The following GASK1B variants were observed in gnomAD, a reference collection of about 807,000 sequenced individuals.
GASK1B encodes the protein Golgi-associated kinase 1B.
A neutral mutation model predicts 42.8 loss-of-function variants in GASK1B; 34 were observed. That is an observed-to-expected ratio of 0.79 (90% CI 0.60 to 1.06). GASK1B has a LOEUF of 1.06. GASK1B is among the 50% of genes least tolerant of loss of function. The pLI is 0.00. For missense variants in GASK1B, 686 were observed against 661.0 expected, an observed-to-expected ratio of 1.04 and a Z score of -0.42; for synonymous variants, 262 against 259.1, an observed-to-expected ratio of 1.01 and a Z score of -0.11.
rs72973869 is a variant in GASK1B, at chr4:158,148,976, T to A, written c.1125+6635A>T. ...ATCTCTCTTCCTCTATGTTGAGGAA[T>A]CATATCTCTTAGAGGCAGCAAGCAT... On this transcript the variant is annotated intron_variant, in intron 3 of 4. Coordinates refer to ENST00000585682, the MANE Select transcript of GASK1B (RefSeq NM_001128424.2). Among the ~76,000 whole-genome samples, 206 of 152,324 alleles carry A rather than the reference T, an allele frequency of 1.4e-3. 2 individuals are homozygous for A. Among genetic ancestry groups the A allele is most frequent in the African/African-American group, 4.8e-3 (200 of 41,572 alleles).
chr4:158,142,489 A>AT (rs900282722), intron 3 of GASK1B, among the ~76,000 whole-genome samples: 4 of 152,032 alleles, frequency 2.6e-5, no homozygotes, highest in South Asian at 2.1e-4. Context: ...AAGCAATGCT[A>AT]TTTTTTTTCT....
intron 2 of GASK1B, among the ~76,000 whole-genome samples, chr4:158,166,724 GA>G (rs1359215380): frequency 2.0e-5 from 3 of 151,710 alleles, no homozygotes; most frequent in Admixed American, 1.3e-4. Context: ...TCTCCTTGAG[GA>G]AAAAAAGGAG....
In GASK1B at chr4:158,145,100, C is replaced by T. The variant is rs1560782720; in HGVS notation, c.1125+10511G>A. On this transcript the variant is annotated intron_variant, in intron 3 of 4. Coordinates refer to ENST00000585682, the MANE Select transcript of GASK1B (RefSeq NM_001128424.2). ...AGTTGGAATCTTTCTCTGTTATGCA[C>T]ATAGAATGTTCCTGCAGAAACAAAG... Among the ~76,000 whole-genome samples, 2 of 152,134 alleles carry T rather than the reference C, an allele frequency of 1.3e-5. 1 individual carries two copies. Among genetic ancestry groups the T allele is most frequent in the South Asian group, 4.1e-4 (2 of 4,824 alleles).
intron 2 of GASK1B, among the ~76,000 whole-genome samples, chr4:158,159,283 G>A (rs934008299): frequency 6.6e-6 from 1 of 152,144 alleles, no homozygotes; most frequent in Non-Finnish European, 1.5e-5. Context: ...ACAGATGGCT[G>A]TGGTTCCTTT....
rs143892979 is a variant in GASK1B, at chr4:158,127,540, T to C, written c.1427A>G (p.Asp476Gly). ...RQKLLQSLFL[D>G]KVYWESQGGR... Reference sequence around the variant, plus strand: ...TCCTTGACTTTCCCAATACACTTTATCAAGAAACAGAGACTGAAGAAGTTT... The same window carrying C: ...TCCTTGACTTTCCCAATACACTTTACCAAGAAACAGAGACTGAAGAAGTTT... Residue 476 changes from aspartate (D) to glycine (G), a missense_variant, in exon 5 of 5, where the codon GAT becomes GGT. Coordinates refer to ENST00000585682, the MANE Select transcript of GASK1B (RefSeq NM_001128424.2). The C allele has an allele frequency of 1.5e-3, 2,471 of 1,613,712 alleles. 1 individual carries two copies. Among genetic ancestry groups the C allele is most frequent in the Admixed American group, 2.5e-3 (148 of 59,942 alleles).
intron 3 of GASK1B, among the ~76,000 whole-genome samples, chr4:158,146,700 A>G (rs1731343113): frequency 1.3e-5 from 2 of 152,190 alleles, no homozygotes; most frequent in African/African-American, 2.4e-5. Context: ...AATACAATAC[A>G]GTGACACAAT....
At chr4:158,138,484 T>G (rs2110947134) in intron 3 of GASK1B, among the ~76,000 whole-genome samples, 1 of 152,286 alleles carries the variant, frequency 6.6e-6, no homozygotes, top group Non-Finnish European at 1.5e-5. Flanking sequence ...TTCAGTGAAG[T>G]AAAGCACCAC....
intron 3 of GASK1B, among the ~76,000 whole-genome samples, chr4:158,147,765 T>G (rs1000922713): frequency 2.0e-5 from 3 of 152,010 alleles, no homozygotes; most frequent in African/African-American, 7.2e-5. Flanking sequence ...AACAACAAAG[T>G]AAGAAAAATT....
At chr4:158,137,218 G>A (rs1379443041) in intron 3 of GASK1B, among the ~76,000 whole-genome samples, 1 of 152,082 alleles carries the variant, frequency 6.6e-6, no homozygotes, top group Non-Finnish European at 1.5e-5. Flanking sequence ...ATAATGCCAT[G>A]TATGTAATAG....
At chr4:158,150,783 A>C (rs1021822016) in intron 3 of GASK1B, among the ~76,000 whole-genome samples, 1 of 152,062 alleles carries the variant, frequency 6.6e-6, no homozygotes, top group African/African-American at 2.4e-5. Context: ...ACTCTTGAAC[A>C]CTCTTTAAGG....
intron 2 of GASK1B, 29 bp from the exon 3 acceptor site, chr4:158,155,854 T>C: frequency 1.3e-6 from 2 of 1,595,014 alleles, no homozygotes; most frequent in South Asian, 2.2e-5. Context: ...AAACACACTT[T>C]CAGCACACTA....
intron 3 of GASK1B, among the ~76,000 whole-genome samples, chr4:158,152,277 C>T (rs1731586845): frequency 6.6e-6 from 1 of 152,098 alleles, no homozygotes; most frequent in Non-Finnish European, 1.5e-5. Flanking sequence ...GTCAATACTC[C>T]TTAATAAACT....
chr4:158,168,912 T>C (rs1330691184), intron 2 of GASK1B: 1 of 152,206 alleles, frequency 6.6e-6, no homozygotes, highest in African/African-American at 2.4e-5. Context: ...GTTGTCCCAA[T>C]GCCCACCAGC....
Position 158,130,795 on chromosome 4 carries a change from C to G in GASK1B, c.1343G>C (p.Gly448Ala), listed in dbSNP as rs769889966. ...EDNLNFKLLEGIKEFPASAVS... is the reference protein window; with the variant it reads ...EDNLNFKLLEAIKEFPASAVS... ...TTACTATAAAACTTACTCTTTGATG[C>G]CTTCTAACAATTTGAAGTTTAAGTT... is the stretch of plus-strand genomic sequence containing the variant. The change falls in exon 4 of 5, where the codon GGC becomes GCC. Residue 448 changes from glycine to alanine, a missense_variant. By Grantham distance (60) the Gly-to-Ala change is moderately conservative (BLOSUM62 0). Coordinates refer to ENST00000585682, the MANE Select transcript of GASK1B (RefSeq NM_001128424.2). 1.9e-6 allele frequency: 3 copies of G among 1,611,470 alleles called. No homozygotes were observed. The highest frequency in any genetic ancestry group is 2.5e-6 in the Non-Finnish European group (3 of 1,178,914).
intron 2 of GASK1B, among the ~76,000 whole-genome samples, chr4:158,158,026 T>C (rs1189021955): frequency 6.6e-6 from 1 of 152,150 alleles, no homozygotes; most frequent in Admixed American, 6.6e-5. Flanking sequence ...AAACTGCTTC[T>C]AGAATTTTTT....
At chr4:158,154,554 G>A (rs1731686018) in intron 3 of GASK1B, among the ~76,000 whole-genome samples, 1 of 152,184 alleles carries the variant, frequency 6.6e-6, no homozygotes, top group Admixed American at 6.6e-5. Flanking sequence ...AAAGACACTT[G>A]CACATGCATG....
intron 3 of GASK1B, among the ~76,000 whole-genome samples, chr4:158,136,616 A>G (rs1323464328): frequency 6.6e-6 from 1 of 152,232 alleles, no homozygotes; most frequent in Admixed American, 6.5e-5. Flanking sequence ...CAAATCTGTT[A>G]GTTAAATTAG....
At chr4:158,130,689 G>A (rs527409845) in intron 4 of GASK1B, 97 bp downstream of exon 4, 3 of 911,766 alleles carry the variant, frequency 3.3e-6, no homozygotes, top group African/African-American at 3.4e-5. Flanking sequence ...TATTTTCAAG[G>A]GTTAAAATGA....
intron 3 of GASK1B, among the ~76,000 whole-genome samples, chr4:158,140,018 G>A (rs6855420): frequency 0.88 from 134,006 of 152,214 alleles, 60,219 homozygotes; most frequent in East Asian, 0.98. Flanking sequence ...TCTGGCATTT[G>A]TTTCATGTGC....
Sources: gnomAD v4.1 joint callset for allele counts (sites outside exome capture counted in the v4.1 genomes callset) on GRCh38, gnomAD v4.1.1 for gene constraint, MANE v1.5 for transcripts, NCBI Gene and HGNC (gene_info 2026-07-23, HGNC 2026-07-21) for gene names.